Variants in PRTN3 observed in about 807,000 individuals in gnomAD.
PRTN3 encodes the protein proteinase 3.
Under a neutral mutation model 20.7 loss-of-function variants are expected in PRTN3, and 22 were observed. The observed-to-expected ratio is 1.06, with a 90% CI of 0.76 to 1.52. The LOEUF (loss-of-function observed/expected upper bound fraction) is 1.52, where lower values mean the gene tolerates loss of function less well. Ranked by LOEUF, PRTN3 falls within the 40% of genes most tolerant of loss-of-function variation. The pLI is 0.00. For missense variants in PRTN3, 378 were observed against 359.6 expected (o/e 1.05, Z -0.41); for synonymous variants, 173 against 152.9 (o/e 1.13, Z -0.97).
At chr19:841,367 A>AC (rs2035435800) in intron 1 of PRTN3, among the ~76,000 whole-genome samples, 2 of 152,238 alleles carry the variant, frequency 1.3e-5, no homozygotes, top group Non-Finnish European at 2.9e-5. Flanking sequence ...CCTGGACAGC[A>AC]CCCAGCCTTC....
In PRTN3 at chr19:842,586, A is replaced by ATTTTTT. The variant is rs71174326; in HGVS notation, c.62-860_62-855dup. 6.4e-4 allele frequency among the ~76,000 whole-genome samples: 42 copies of ATTTTTT among 65,462 alleles called. 9 individuals carry two copies. Among genetic ancestry groups the ATTTTTT allele is most frequent in the African/African-American group, 3.2e-3 (41 of 12,646 alleles). The allele number at this position is 65,462 out of a possible 152,430, so 42.9% of individuals were successfully genotyped here. A position where few individuals can be genotyped will look rare whatever the true frequency, so the allele number is the denominator to read the frequency against. ...AGGTGCGAACCACCACACCTGGCTA[A>ATTTTTT]TTTTTTTTTTTTTTTTTTTTGAGAC... On this transcript the variant is annotated intron_variant, in intron 1 of 4. Coordinates refer to ENST00000234347, the MANE Select transcript of PRTN3 (RefSeq NM_002777.4).
At chr19:843,221 G>T (rs67520578) in intron 1 of PRTN3, 234,205 of 538,366 alleles carry the variant, frequency 0.44, 52,000 homozygotes, top group Admixed American at 0.58. Flanking sequence ...CAGCCACCTG[G>T]TCTGCGTCTT....
intron 3 of PRTN3, among the ~76,000 whole-genome samples, chr19:844,946 A>ATT (rs1203344875): frequency 0.42 from 51,944 of 123,062 alleles, 12,129 homozygotes; most frequent in Middle Eastern, 0.54. Flanking sequence ...TATAAAAGAC[A>ATT]TTTTTTTTTT....
intron 4 of PRTN3, among the ~76,000 whole-genome samples, chr19:847,578 AG>A (rs2035535709): frequency 1.3e-5 from 2 of 152,130 alleles, no homozygotes; most frequent in African/African-American, 4.8e-5. Context: ...AGAGAGAGAG[AG>A]AGAAAGAAAG....
chr19:841,135 C>A, intron 1 of PRTN3, 66 bp downstream of exon 1: 1 of 1,559,984 alleles, frequency 6.4e-7, no homozygotes. Context: ...AAATATCCAC[C>A]ACGAGGTCCA....
At chr19:845,450 G>A (rs1293938861) in intron 3 of PRTN3, among the ~76,000 whole-genome samples, 2 of 151,738 alleles carry the variant, frequency 1.3e-5, no homozygotes, top group Admixed American at 6.6e-5. Context: ...GGCCAGGGGC[G>A]GTGGCTGTAA....
intron 1 of PRTN3, among the ~76,000 whole-genome samples, chr19:842,392 G>A (rs2035456783): frequency 7.0e-6 from 1 of 142,210 alleles, no homozygotes; most frequent in African/African-American, 2.7e-5. Flanking sequence ...TCTCACTCAG[G>A]CATGAGCCAC....
At chr19:843,663 C>G in intron 2 of PRTN3, 37 bp downstream of exon 2, 1 of 1,542,478 alleles carries the variant, frequency 6.5e-7, no homozygotes, top group Non-Finnish European at 8.7e-7. Context: ...CCGCCCGCCC[C>G]GCCCTCTTCC....
chr19:843,960 C>G lies in PRTN3; in HGVS notation c.295C>G (p.His99Asp), dbSNP rs1195190461. The change falls in exon 3 of 5, where the codon CAC becomes GAC. Residue 99 changes from histidine (H) to aspartate (D), a missense_variant. By Grantham distance (81) the His-to-Asp change is moderately conservative. Transcript: ENST00000234347. ...NVRTQEPTQQ[H>D]FSVAQVFLNN... is the part of the protein sequence containing the mutation. ...GCGGACGCAGGAGCCCACCCAGCAGCACTTCTCGGTGGCTCAGGTGTTTCT... is the reference window on the plus strand; with the variant it reads ...GCGGACGCAGGAGCCCACCCAGCAGGACTTCTCGGTGGCTCAGGTGTTTCT... The G allele has an allele frequency of 2.5e-6, 4 of 1,603,624 alleles. 1 individual carries two copies. The highest frequency in any genetic ancestry group is 3.4e-6 in the Non-Finnish European group (4 of 1,175,806).
chr19:845,734 G>C (rs1167042620), intron 3 of PRTN3, among the ~76,000 whole-genome samples: 2 of 145,170 alleles, frequency 1.4e-5, no homozygotes, highest in African/African-American at 5.1e-5. Context: ...AAAAAGAAAA[G>C]AAAGAAAGAA....
intron 4 of PRTN3, among the ~76,000 whole-genome samples, chr19:847,555 A>AAGAG (rs145629657): frequency 8.5e-4 from 98 of 115,902 alleles, no homozygotes; most frequent in African/African-American, 2.2e-3. Flanking sequence ...AAGAAAAAGA[A>AAGAG]AGAGAGAGAG....
Position 843,546 on chromosome 19 carries a change from G to A in PRTN3, c.147G>A (p.Gly49=), listed in dbSNP as rs1373410470. The A allele has an allele frequency of 1.3e-6, 2 of 1,598,600 alleles. No individual in the cohort carries two copies. Among genetic ancestry groups the A allele is most frequent in the Middle Eastern group, 1.7e-4 (1 of 6,048 alleles). ...ACATGGCCTCCCTGCAGATGCGGGG[G>A]AACCCGGGCAGCCACTTCTGCGGAG... The part of the protein sequence containing the change: ...RPYMASLQMR[G]NPGSHFCGGT... The change falls in exon 2 of 5, where the codon GGG becomes GGA. Residue 49 remains glycine (G), a synonymous_variant. Coordinates refer to ENST00000234347, the MANE Select transcript of PRTN3 (RefSeq NM_002777.4).
chr19:847,404 T>G (rs1157088836), intron 4 of PRTN3, among the ~76,000 whole-genome samples: 3 of 150,308 alleles, frequency 2.0e-5, no homozygotes, highest in Non-Finnish European at 4.4e-5. Flanking sequence ...GGCACTGCAC[T>G]CCAGCCTGGG....
Position 847,959 on chromosome 19 carries a change from G to A in PRTN3, c.761G>A (p.Gly254Asp). The A allele has an allele frequency of 3.1e-6, 5 of 1,600,274 alleles. No homozygotes were observed. Among genetic ancestry groups the A allele is most frequent in the South Asian group, 1.1e-5 (1 of 89,218 alleles). Residue 254 changes from glycine (G) to aspartate (D), a missense_variant, in exon 5 of 5, where the codon GGC (glycine) becomes GAC (aspartate). Transcript: ENST00000234347. ...RSTLRRVEAK[G>D]RP The stretch of plus-strand genomic sequence containing the variant: ...ACGCTGCGCCGTGTGGAGGCCAAGG[G>A]CCGCCCCTGAACCGCCCCTCCCACA...
chr19:843,555 C>T lies in PRTN3; in HGVS notation c.156C>T (p.Gly52=), dbSNP rs1198050333. The T allele has an allele frequency of 1.2e-6, 2 of 1,601,394 alleles. No individual in the cohort carries two copies. Among genetic ancestry groups the T allele is most frequent in the Non-Finnish European group, 1.7e-6 (2 of 1,176,580 alleles). The change falls in exon 2 of 5, where the codon GGC becomes GGT. Residue 52 remains glycine, a synonymous_variant. Coordinates refer to ENST00000234347, the MANE Select transcript of PRTN3 (RefSeq NM_002777.4). ...MASLQMRGNP[G]SHFCGGTLIH... is the part of the protein sequence containing the mutation. Reference sequence around the variant, plus strand: ...CCCTGCAGATGCGGGGGAACCCGGGCAGCCACTTCTGCGGAGGCACCTTGA... The same window carrying T: ...CCCTGCAGATGCGGGGGAACCCGGGTAGCCACTTCTGCGGAGGCACCTTGA...
Position 842,413 on chromosome 19 carries a change from A to ATTTTTTTTTTTTT in PRTN3, c.62-1036_62-1024dup, listed in dbSNP as rs34047197. On this transcript the variant is annotated intron_variant, in intron 1 of 4. Coordinates refer to ENST00000234347, the MANE Select transcript of PRTN3 (RefSeq NM_002777.4). ...TCAGGCATGAGCCACTGCGCCCAGGATTTTTTTTTTTTTTTTTTTTTTTTG... is the reference window on the plus strand; with the variant it reads ...TCAGGCATGAGCCACTGCGCCCAGGATTTTTTTTTTTTTTTTTTTTTTTTTTTTTTTTTTTTTG... Among the ~76,000 whole-genome samples the ATTTTTTTTTTTTT allele has an allele frequency of 4.3e-4, 17 of 39,418 alleles. 4 individuals carry two copies. The highest frequency in any genetic ancestry group is 1.9e-3 in the African/African-American group (13 of 6,792). The allele number at this position is 39,418 out of a possible 152,430, so 25.9% of individuals were successfully genotyped here. A position where few individuals can be genotyped will look rare whatever the true frequency, so the allele number is the denominator to read the frequency against.
chr19:843,217 C>G, intron 1 of PRTN3: 1 of 532,802 alleles, frequency 1.9e-6, no homozygotes. Flanking sequence ...CACCCAGCCA[C>G]CTGGTCTGCG....
At chr19:841,894 A>AT (rs1418428606) in intron 1 of PRTN3, among the ~76,000 whole-genome samples, 23 of 148,856 alleles carry the variant, frequency 1.5e-4, no homozygotes, top group African/African-American at 5.7e-4. Context: ...TGCCTGGATA[A>AT]TTTTTTGTAA....
At chr19:842,867 C>T (rs1171810270) in intron 1 of PRTN3, among the ~76,000 whole-genome samples, 5 of 151,922 alleles carry the variant, frequency 3.3e-5, no homozygotes, top group East Asian at 1.9e-4. Flanking sequence ...GGATTACAGG[C>T]GTGGGCCAAC....
Sources: gnomAD v4.1 joint callset for allele counts (sites outside exome capture counted in the v4.1 genomes callset) on GRCh38, gnomAD v4.1.1 for gene constraint, MANE v1.5 for transcripts, NCBI Gene and HGNC (gene_info 2026-07-23, HGNC 2026-07-21) for gene names.